KCNJ15: variants seen among roughly 807,000 people sequenced by gnomAD.
The protein encoded by KCNJ15 is potassium inwardly rectifying channel subfamily J member 15.
A neutral mutation model predicts 23.0 loss-of-function variants in KCNJ15; 14 were observed. The observed-to-expected ratio is 0.61, with a 90% CI of 0.40 to 0.95. The LOEUF (loss-of-function observed/expected upper bound fraction) is 0.95. KCNJ15 is among the 40% of genes least tolerant of loss of function. The pLI, the probability that KCNJ15 is intolerant of heterozygous loss-of-function variation, is 0.00. For missense variants in KCNJ15, 388 were observed against 461.8 expected (o/e 0.84, Z 1.46); for synonymous variants, 185 against 183.2 (o/e 1.01, Z -0.08).
chr21:38,300,524 T>G lies in KCNJ15; in HGVS notation c.*135T>G, dbSNP rs980812825. 5 of 703,454 alleles carry G rather than the reference T, an allele frequency of 7.1e-6. No homozygotes were observed. The African/African-American group carries it at 9.0e-5, about 13-fold the overall frequency. The allele number at this position is 703,454 out of a possible 1,614,324, so 43.6% of individuals were successfully genotyped here. ...ACTGCACGGACATACAAAATCAATC[T>G]TTTCCTTTGATCTTGTGGCTAAACC... On this transcript the variant is annotated 3_prime_UTR_variant, in exon 3 of 3. Coordinates refer to ENST00000398938, the MANE Select transcript of KCNJ15 (RefSeq NM_170736.3).
At chr21:38,279,965 G>A (rs1338532355) in intron 1 of KCNJ15, among the ~76,000 whole-genome samples, 2 of 152,148 alleles carry the variant, frequency 1.3e-5, no homozygotes, top group Non-Finnish European at 2.9e-5. Context: ...CAGGGCTGAA[G>A]ATAGATCCAA....
rs1381318158 is a variant in KCNJ15 at position 38,244,735 on chromosome 21, G to A, written c.-398-12311G>A. On this transcript the variant is annotated intron_variant, in intron 1 of 4. Coordinates refer to the KCNJ15 transcript ENST00000547341. ...GGATTCAAGGACTCAAGTAAGTTGG[G>A]GAGGGGAACATCTTTTCACCCCTGG... 3.9e-5 allele frequency among the ~76,000 whole-genome samples: 6 copies of A among 152,110 alleles called. No individual in the cohort carries two copies. The East Asian group carries it at 1.2e-3, about 29-fold the overall frequency.
At position 38,299,847 on chromosome 21, in the gene KCNJ15, G is replaced by A. The variant is rs1384887679; in HGVS notation, c.586G>A (p.Val196Met). 2.5e-6 allele frequency: 4 copies of A among 1,614,076 alleles called. No homozygotes were observed. In the South Asian group the frequency reaches 4.4e-5, roughly 18 times the overall value. Residue 196 changes from valine to methionine, a missense_variant, in exon 3 of 3, where the codon GTG (valine) becomes ATG (methionine). Physicochemically the swap from Val to Met is conservative, Grantham distance 21 (BLOSUM62 1). Coordinates refer to ENST00000398938, the MANE Select transcript of KCNJ15 (RefSeq NM_170736.3). This position sits in a 1 kb window ranked among gnomAD's most constrained non-coding sequence, Gnocchi z 4.5. ...ITKQNGKLCL[V>M]IQVANMRKSL... ...CAAGCAGAATGGGAAGCTGTGCTTG[G>A]TGATTCAGGTAGCCAATATGAGGAA...
At chr21:38,251,409 T>C (rs1022161598) in intron 1 of KCNJ15, among the ~76,000 whole-genome samples, 6 of 152,170 alleles carry the variant, frequency 3.9e-5, no homozygotes, top group Non-Finnish European at 8.8e-5. Context: ...CAGTGGTTGT[T>C]TCACAGTTTC....
At position 38,231,247 on chromosome 21, in the gene KCNJ15, C is replaced by T. The variant is rs145488691; in HGVS notation, c.-398-25799C>T. Reference sequence around the variant, plus strand: ...TGCTTTCTTAATTTCTTTTCAGATTCTTCATTGCTAGCCTATAACAATGCA... The same window carrying T: ...TGCTTTCTTAATTTCTTTTCAGATTTTTCATTGCTAGCCTATAACAATGCA... On this transcript the variant is annotated intron_variant, in intron 1 of 4. Coordinates refer to the KCNJ15 transcript ENST00000547341. Among the ~76,000 whole-genome samples, 1,104 of 151,944 alleles carry T rather than the reference C, an allele frequency of 7.3e-3. 4 individuals carry two copies. The highest frequency in any genetic ancestry group is 0.01 in the Non-Finnish European group (699 of 67,784).
chr21:38,273,576 C>T (rs1982325227), intron 1 of KCNJ15, among the ~76,000 whole-genome samples: 1 of 152,160 alleles, frequency 6.6e-6, no homozygotes, highest in African/African-American at 2.4e-5. Context: ...TTCAATTACC[C>T]ATGTCACTTG....
intron 1 of KCNJ15, among the ~76,000 whole-genome samples, chr21:38,270,514 A>G (rs1601186033): frequency 6.6e-6 from 1 of 152,190 alleles, no homozygotes; most frequent in African/African-American, 2.4e-5. Context: ...ATCTCACTCC[A>G]TCTTCAGGAT....
chr21:38,248,222 A>G (rs539746932), intron 1 of KCNJ15, among the ~76,000 whole-genome samples: 1 of 152,362 alleles, frequency 6.6e-6, no homozygotes, highest in South Asian at 2.1e-4. Context: ...CAGAAGGGGT[A>G]ACTGAGCAGC....
At chr21:38,262,263 G>A (rs1004547407) in intron 1 of KCNJ15, among the ~76,000 whole-genome samples, 2 of 152,188 alleles carry the variant, frequency 1.3e-5, no homozygotes, top group Non-Finnish European at 2.9e-5. Flanking sequence ...CTGCTAGGAG[G>A]TAAAGAAAAT....
intron 1 of KCNJ15, chr21:38,267,166 G>A (rs1981549314): frequency 6.6e-6 from 1 of 152,320 alleles, no homozygotes; most frequent in Admixed American, 6.5e-5. Context: ...GAGTACAGTT[G>A]CTTAAAGAGG....
At chr21:38,269,955 C>T (rs1472406986) in intron 1 of KCNJ15, among the ~76,000 whole-genome samples, 1 of 152,176 alleles carries the variant, frequency 6.6e-6, no homozygotes. Context: ...TTCACCCACA[C>T]TTCTTCCCAC....
intron 1 of KCNJ15, among the ~76,000 whole-genome samples, chr21:38,270,994 G>A: frequency 7.9e-6 from 1 of 126,868 alleles, no homozygotes; most frequent in South Asian, 2.5e-4. Flanking sequence ...ATTTCTGAGT[G>A]GCAACAACAC....
chr21:38,250,469 G>A (rs1357549694), intron 1 of KCNJ15, among the ~76,000 whole-genome samples: 1 of 152,204 alleles, frequency 6.6e-6, no homozygotes, highest in African/African-American at 2.4e-5. Context: ...TCTTCCAGAG[G>A]CCAAGAACTA....
At position 38,246,097 on chromosome 21, in the gene KCNJ15, AAATT is replaced by A. The variant is rs904753466; in HGVS notation, c.-398-10945_-398-10942del. Among the ~76,000 whole-genome samples, 34 of 152,378 alleles carry A rather than the reference AAATT, an allele frequency of 2.2e-4. 1 individual carries two copies. Among genetic ancestry groups the A allele is most frequent in the Non-Finnish European group, 7.3e-5 (5 of 68,038 alleles). Reference sequence around the variant, plus strand: ...ATGATAGTCAATATGCTATAAGAATAAATTAATAATTAAATGACACGGTAGACAT... The same window carrying A: ...ATGATAGTCAATATGCTATAAGAATAAATAATTAAATGACACGGTAGACAT... On this transcript the variant is annotated intron_variant, in intron 1 of 4. Transcript: ENST00000547341.
At chr21:38,275,370 C>T (rs1199291820) in intron 1 of KCNJ15, among the ~76,000 whole-genome samples, 1 of 151,912 alleles carries the variant, frequency 6.6e-6, no homozygotes, top group Non-Finnish European at 1.5e-5. Context: ...CTCATACTAA[C>T]TTCAGATACC....
At chr21:38,268,827 T>TG (rs1449289700) in intron 1 of KCNJ15, 2 of 152,162 alleles carry the variant, frequency 1.3e-5, no homozygotes, top group African/African-American at 2.4e-5. Flanking sequence ...GAGACAGAGG[T>TG]GGGCTACTTC....
At position 38,299,721 on chromosome 21, in the gene KCNJ15, A is replaced by G; in HGVS notation, c.460A>G (p.Thr154Ala). Reference sequence around the variant, plus strand: ...GTTGGTTGCTCAGTTGGTCATCACGACCTTGATTGAGATCTTCATCACCGG... The same window carrying G: ...GTTGGTTGCTCAGTTGGTCATCACGGCCTTGATTGAGATCTTCATCACCGG... ...FLLVAQLVIT[T>A]LIEIFITGTF... The change falls in exon 3 of 3, where the codon ACC becomes GCC. Residue 154 changes from threonine to alanine, a missense_variant. Thr to Ala is a moderately conservative substitution (Grantham distance 58, BLOSUM62 0). Coordinates refer to ENST00000398938, the MANE Select transcript of KCNJ15 (RefSeq NM_170736.3). The surrounding 1 kb of genome is among the most constrained non-coding windows in gnomAD (Gnocchi z 4.5). The G allele has an allele frequency of 1.9e-6, 3 of 1,613,996 alleles. No homozygotes were observed. The highest frequency in any genetic ancestry group is 2.5e-6 in the Non-Finnish European group (3 of 1,180,000).
At chr21:38,248,844 T>C (rs1364235143) in intron 1 of KCNJ15, among the ~76,000 whole-genome samples, 1 of 152,160 alleles carries the variant, frequency 6.6e-6, no homozygotes, top group African/African-American at 2.4e-5. Context: ...TGGAGCTGCA[T>C]TCCCTGATGT....
chr21:38,287,923 C>G (rs2123697282), intron 1 of KCNJ15, among the ~76,000 whole-genome samples: 1 of 150,534 alleles, frequency 6.6e-6, no homozygotes, highest in South Asian at 2.1e-4. Context: ...CACTGCGATA[C>G]AGTTTCTATA....
Sources: gnomAD v4.1 joint callset for allele counts (sites outside exome capture counted in the v4.1 genomes callset) on GRCh38, gnomAD v4.1.1 for gene constraint, Gnocchi (gnomAD v3.1) non-coding constraint, MANE v1.5 for transcripts, NCBI Gene and HGNC (gene_info 2026-07-23, HGNC 2026-07-21) for gene names.